Variants in CELF2 observed in about 807,000 individuals in gnomAD.
CELF2 encodes the protein CUGBP Elav-like family member 2.
A neutral mutation model predicts 62.6 loss-of-function variants in CELF2; 8 were observed. The ratio of observed to expected loss-of-function variants is 0.13; its 90% CI spans 0.07 to 0.23. CELF2 has a LOEUF of 0.23. Among genes scored for constraint, CELF2 ranks in the 10% least tolerant of loss-of-function variants. CELF2 has a pLI of 1.00. For missense variants in CELF2, 333 were observed against 671.0 expected, an observed-to-expected ratio of 0.50 and a Z score of 5.56; for synonymous variants, 258 against 250.0, an observed-to-expected ratio of 1.03 and a Z score of -0.30.
upstream of CELF2, among the ~76,000 whole-genome samples, chr10:10,793,480 A>G (rs1417862116): frequency 6.6e-6 from 1 of 152,224 alleles, no homozygotes; most frequent in Non-Finnish European, 1.5e-5. Context: ...ATAAGAAAAC[A>G]TAGCCGCTAC....
At chr10:10,669,794 G>A in the CELF2 span, among the ~76,000 whole-genome samples, 245 of 152,010 alleles carry the variant, frequency 1.6e-3, 1 homozygote, top group African/African-American at 5.8e-3. Context: ...TCTGAATCCT[G>A]GAGAATTTTA....
At position 11,319,126 on chromosome 10, in the gene CELF2, G is replaced by T; in HGVS notation, c.1097-2063G>T. On this transcript the variant is annotated intron_variant, in intron 10 of 12. Coordinates refer to ENST00000633077, the MANE Select transcript of CELF2 (RefSeq NM_001326342.2). This position sits in a 1 kb window ranked among gnomAD's most constrained non-coding sequence, Gnocchi z 4.4. ...GCGAGTCGCCGCTCCTCTCCCGCCA[G>T]AATTTCCTCCACACGGGCATCTGCA... 2.1e-6 allele frequency: 1 copy of T among 470,392 alleles called. No homozygotes were observed. The allele number at this position is 470,392 out of a possible 1,614,324, so 29.1% of individuals were successfully genotyped here.
intron 4 of CELF2, among the ~76,000 whole-genome samples, chr10:11,254,664 ATTATAGGT>A (rs2078149515): frequency 2.0e-5 from 3 of 152,192 alleles, no homozygotes; most frequent in Non-Finnish European, 4.4e-5. Flanking sequence ...AAATACCATA[ATTATAGGT>A]TTAGCAGTGA....
upstream of CELF2, among the ~76,000 whole-genome samples, chr10:11,015,792 A>C (rs1002373311): frequency 6.6e-6 from 1 of 152,188 alleles, no homozygotes; most frequent in African/African-American, 2.4e-5. The surrounding 1 kb of genome is among the most constrained non-coding windows in gnomAD (Gnocchi z 4.8). Context: ...GCTAGAATTT[A>C]ACAAACTGCT....
intron 1 of CELF2, among the ~76,000 whole-genome samples, chr10:11,162,552 G>A (rs1239804531): frequency 6.6e-6 from 1 of 151,784 alleles, no homozygotes; most frequent in Non-Finnish European, 1.5e-5. Context: ...CTGTGGAGAT[G>A]GAGACACACT....
intron 8 of CELF2, among the ~76,000 whole-genome samples, chr10:11,282,093 A>G (rs1277717541): frequency 2.6e-5 from 4 of 152,134 alleles, no homozygotes; most frequent in Non-Finnish European, 5.9e-5. Context: ...CCCCTGTCAC[A>G]TTGCCTTTCG....
the CELF2 span, among the ~76,000 whole-genome samples, chr10:10,568,653 A>G: frequency 6.6e-6 from 1 of 152,190 alleles, no homozygotes; most frequent in Non-Finnish European, 1.5e-5. Flanking sequence ...AGCAAAGAAG[A>G]TCTGCACAGA....
intron 1 of CELF2, among the ~76,000 whole-genome samples, chr10:10,865,033 A>G (rs1391097221): frequency 6.6e-6 from 1 of 152,174 alleles, no homozygotes; most frequent in African/African-American, 2.4e-5. Flanking sequence ...GTATCACCAT[A>G]TATTCATTTA....
intron 4 of CELF2, among the ~76,000 whole-genome samples, chr10:11,252,030 GA>G (rs1352746635): frequency 1.3e-5 from 2 of 152,198 alleles, no homozygotes; most frequent in Non-Finnish European, 2.9e-5. Context: ...TTTTCAGTAA[GA>G]AAAGTCCAAA....
Position 11,008,576 on chromosome 10 carries a change from AATT to A in CELF2, c.53+3140_53+3142del, listed in dbSNP as rs1321927193. On this transcript the variant is annotated intron_variant, in intron 1 of 12. Transcript: ENST00000416382. This position sits in a 1 kb window ranked among gnomAD's most constrained non-coding sequence, Gnocchi z 4.5. ...GTCATTCAAAGAGTGAATCAATACT[AATT>A]ATTGTAATCAGGGGGGTTAATTAGG... is the stretch of plus-strand genomic sequence containing the variant. 6.6e-5 allele frequency among the ~76,000 whole-genome samples: 10 copies of A among 152,318 alleles called. No homozygotes were observed. In the South Asian group the frequency reaches 2.1e-3, roughly 32 times the overall value.
At chr10:11,273,744 C>A (rs1051080833) in intron 7 of CELF2, among the ~76,000 whole-genome samples, 1 of 149,780 alleles carries the variant, frequency 6.7e-6, no homozygotes, top group Admixed American at 6.7e-5. Context: ...TTTTTTGAGA[C>A]AGAGTCTTGC....
At chr10:10,982,204 C>G (rs1370597076) in intron 2 of CELF2, among the ~76,000 whole-genome samples, 1 of 152,060 alleles carries the variant, frequency 6.6e-6, no homozygotes, top group Non-Finnish European at 1.5e-5. Context: ...ATCCACCCAC[C>G]TCAGCCTCCC....
At chr10:10,905,529 A>G (rs1418340887) in intron 1 of CELF2, among the ~76,000 whole-genome samples, 1 of 151,100 alleles carries the variant, frequency 6.6e-6, no homozygotes. Flanking sequence ...GGTTCACTTG[A>G]GGCCAGGAGT....
At position 11,093,678 on chromosome 10, in the gene CELF2, G is replaced by A. The variant is rs117438476; in HGVS notation, c.75-71808G>A. 2.9e-3 allele frequency among the ~76,000 whole-genome samples: 446 copies of A among 152,192 alleles called. 1 individual carries two copies. Among genetic ancestry groups the A allele is most frequent in the Non-Finnish European group, 4.2e-3 (285 of 68,004 alleles). On this transcript the variant is annotated intron_variant, in intron 1 of 12. Coordinates refer to ENST00000633077, the MANE Select transcript of CELF2 (RefSeq NM_001326342.2). ...AGTTCAGCAATTTTGATTCATCAGGGAGCAGTTTTTTTTTACATGCCTTGT... is the reference window on the plus strand; with the variant it reads ...AGTTCAGCAATTTTGATTCATCAGGAAGCAGTTTTTTTTTACATGCCTTGT...
chr10:10,884,181 C>T (rs1489832725), intron 1 of CELF2, among the ~76,000 whole-genome samples: 9 of 152,136 alleles, frequency 5.9e-5, no homozygotes, highest in South Asian at 4.1e-4. Context: ...AGTGAGTAAA[C>T]GATCATCTTG....
chr10:10,753,050 T>C, the CELF2 span, among the ~76,000 whole-genome samples: 3 of 152,214 alleles, frequency 2.0e-5, no homozygotes, highest in Non-Finnish European at 4.4e-5. Context: ...GGGTTGCAAC[T>C]ACCCTTTTTA....
intron 1 of CELF2, among the ~76,000 whole-genome samples, chr10:10,904,089 A>G (rs2134168786): frequency 6.6e-6 from 1 of 152,348 alleles, no homozygotes; most frequent in South Asian, 2.1e-4. Context: ...ATCCATGTCC[A>G]GACTCAAATG....
chr10:11,019,286 A>G (rs1462950952), intron 1 of CELF2, among the ~76,000 whole-genome samples: 1 of 152,226 alleles, frequency 6.6e-6, no homozygotes. Flanking sequence ...CAGGCGAGAA[A>G]TTGGATAGCG....
chr10:10,791,740 G>A, the CELF2 span, among the ~76,000 whole-genome samples: 1 of 152,266 alleles, frequency 6.6e-6, no homozygotes. Context: ...AAGTGGACCA[G>A]CACTGGTCTG....
Sources: gnomAD v4.1 joint callset for allele counts (sites outside exome capture counted in the v4.1 genomes callset) on GRCh38, gnomAD v4.1.1 for gene constraint, Gnocchi (gnomAD v3.1) non-coding constraint, MANE v1.5 for transcripts, NCBI Gene and HGNC (gene_info 2026-07-23, HGNC 2026-07-21) for gene names.